HDAC8: variants seen among roughly 807,000 people sequenced by gnomAD.
The protein encoded by HDAC8 is histone deacetylase 8.
Under a neutral mutation model 32.2 loss-of-function variants are expected in HDAC8, and 1 was observed. That is an observed-to-expected ratio of 0.03 (90% confidence interval 0.01 to 0.15). HDAC8 has a LOEUF of 0.15. HDAC8 is among the 10% of genes least tolerant of loss of function. The pLI is 1.00. For missense variants in HDAC8, 117 were observed against 300.0 expected (o/e 0.39, Z 4.51); for synonymous variants, 108 against 113.9 (o/e 0.95, Z 0.33).
chrX:72,452,023 A>C (rs1432062678), intron 9 of HDAC8, among the ~76,000 whole-genome samples: 1 of 112,495 alleles, frequency 8.9e-6, no homozygotes, highest in East Asian at 2.8e-4. Flanking sequence ...GAGCTAAGCC[A>C]AAAAAAGAAT....
At chrX:72,419,544 G>A (rs939537241) in intron 9 of HDAC8, among the ~76,000 whole-genome samples, 10 of 111,345 alleles carry the variant, frequency 9.0e-5, no homozygotes, top group African/African-American at 2.9e-4. Context: ...TCAAGAAAAC[G>A]AAAAGACAAC....
chrX:72,424,099 T>C (rs189831913), intron 9 of HDAC8, among the ~76,000 whole-genome samples: 8 of 112,267 alleles, frequency 7.1e-5, no homozygotes, highest in Non-Finnish European at 1.3e-4. Flanking sequence ...AAGGTTGAAA[T>C]AATTTTTCCT....
At chrX:72,569,709 T>C (rs782771335) in intron 2 of HDAC8, among the ~76,000 whole-genome samples, 3 of 111,528 alleles carry the variant, frequency 2.7e-5, no homozygotes, top group African/African-American at 9.8e-5. Context: ...ATAAGAGGCC[T>C]TACCACATCT....
intron 4 of HDAC8, among the ~76,000 whole-genome samples, chrX:72,504,860 T>C (rs1556018221): frequency 1.8e-5 from 2 of 111,180 alleles, no homozygotes; most frequent in African/African-American, 6.5e-5. Flanking sequence ...CACCAGCACT[T>C]GTTATTTTCC....
chrX:72,390,628 C>T (rs1301831822), intron 9 of HDAC8, among the ~76,000 whole-genome samples: 1 of 111,456 alleles, frequency 9.0e-6, no homozygotes, highest in Non-Finnish European at 1.9e-5. Context: ...GGTATAGTGG[C>T]CACCAGAAAA....
rs2043460205 is a variant in HDAC8 at position 72,329,525 on chromosome X, A to G, written c.*529T>C. 5.3e-6 allele frequency: 3 copies of G among 564,610 alleles called. No homozygotes were observed. In the Admixed American group the frequency reaches 1.2e-4, roughly 23 times the overall value. The allele number at this position is 564,610 out of a possible 1,213,427, so 46.5% of individuals were successfully genotyped here. On this transcript the variant is annotated 3_prime_UTR_variant, in exon 11 of 11. Transcript: ENST00000373573. ...CAACGGGACAAAGAGGTAGGTTTTC[A>G]AAGATTTTATTAAAAAAACCAAAGA...
At chrX:72,567,785 A>G (rs1439038304) in intron 4 of HDAC8, 104 bp downstream of exon 4, 1 of 1,209,581 alleles carries the variant, frequency 8.3e-7, no homozygotes, top group Non-Finnish European at 1.1e-6. Flanking sequence ...TGCCACATAC[A>G]CACACGTCTC....
At chrX:72,505,881 A>G (rs1556018822) in intron 4 of HDAC8, among the ~76,000 whole-genome samples, 1 of 112,041 alleles carries the variant, frequency 8.9e-6, no homozygotes, top group Non-Finnish European at 1.9e-5. Context: ...ACTTGTCCAA[A>G]TTGTCAATCT....
intron 9 of HDAC8, among the ~76,000 whole-genome samples, chrX:72,357,188 G>T (rs1305961128): frequency 1.8e-5 from 2 of 108,598 alleles, no homozygotes; most frequent in Non-Finnish European, 3.8e-5. Flanking sequence ...AGCATGAACG[G>T]GATGAAGGAT....
rs1186437667 is a variant in HDAC8, at chrX:72,344,162, C to A, written c.1111+7571G>T. On this transcript the variant is annotated intron_variant, in intron 10 of 10. Coordinates refer to ENST00000373573, the MANE Select transcript of HDAC8 (RefSeq NM_018486.3). Reference sequence around the variant, plus strand: ...AGTAGGGAACCTAGACTTTTACTCCCCACCTGGAGGTAATAGGGTAGTGCC... The same window carrying A: ...AGTAGGGAACCTAGACTTTTACTCCACACCTGGAGGTAATAGGGTAGTGCC... Among the ~76,000 whole-genome samples the A allele has an allele frequency of 1.9e-4, 21 of 111,716 alleles. No individual in the cohort carries two copies. The Admixed American group carries it at 2.0e-3, about 11-fold the overall frequency.
chrX:72,444,314 A>T (rs2047296233), intron 9 of HDAC8, among the ~76,000 whole-genome samples: 1 of 109,687 alleles, frequency 9.1e-6, no homozygotes, highest in African/African-American at 3.3e-5. Flanking sequence ...CGAATCCAGC[A>T]GCACATCAAA....
chrX:72,565,347 C>T (rs1869209044), intron 4 of HDAC8, among the ~76,000 whole-genome samples: 1 of 112,352 alleles, frequency 8.9e-6, no homozygotes, highest in Non-Finnish European at 1.9e-5. Context: ...TGTAGTCCAT[C>T]TACAGAGAGG....
chrX:72,539,214 TTTTA>T lies in HDAC8; in HGVS notation c.437+28671_437+28674del, dbSNP rs201298956. Reference sequence around the variant, plus strand: ...TGGAAACTCTACACTATCTGTGCAATTTTATTTATTTATTTATTTATTTATGTAT... The same window carrying T: ...TGGAAACTCTACACTATCTGTGCAATTTTATTTATTTATTTATTTATGTAT... On this transcript the variant is annotated intron_variant, in intron 4 of 10. Coordinates refer to ENST00000373573, the MANE Select transcript of HDAC8 (RefSeq NM_018486.3). Among the ~76,000 whole-genome samples the T allele has an allele frequency of 6.2e-4, 68 of 110,037 alleles. 1 individual carries two copies. Among genetic ancestry groups the T allele is most frequent in the African/African-American group, 2.1e-3 (63 of 30,266 alleles).
intron 7 of HDAC8, among the ~76,000 whole-genome samples, chrX:72,485,214 G>A (rs782345616): frequency 1.5e-4 from 17 of 111,920 alleles, no homozygotes; most frequent in African/African-American, 5.5e-4. Flanking sequence ...CTTTATGCTG[G>A]TTAAAACAGG....
chrX:72,355,305 A>G (rs1430869289), intron 9 of HDAC8, among the ~76,000 whole-genome samples: 1 of 112,317 alleles, frequency 8.9e-6, no homozygotes. Context: ...GGCAAGCAGC[A>G]ATCCCATTCC....
chrX:72,490,377 G>A (rs2048825308), intron 6 of HDAC8, among the ~76,000 whole-genome samples: 1 of 108,113 alleles, frequency 9.2e-6, no homozygotes, highest in African/African-American at 3.4e-5. Flanking sequence ...TGATAGACTG[G>A]ATTAAGAAAA....
At chrX:72,455,696 G>A (rs782012387) in intron 9 of HDAC8, among the ~76,000 whole-genome samples, 5 of 112,226 alleles carry the variant, frequency 4.5e-5, no homozygotes, top group African/African-American at 9.7e-5. Context: ...GAGCATAACA[G>A]CTTCTCAATA....
At chrX:72,363,405 T>C (rs1471695834) in intron 9 of HDAC8, among the ~76,000 whole-genome samples, 1 of 111,469 alleles carries the variant, frequency 9.0e-6, no homozygotes, top group Non-Finnish European at 1.9e-5. Flanking sequence ...CTTTGAAAAC[T>C]GCTTCTACTG....
chrX:72,474,579 C>G (rs1331254335), intron 7 of HDAC8: 56 of 1,177,393 alleles, frequency 4.8e-5, no homozygotes, highest in Non-Finnish European at 5.8e-5. Context: ...TATAAACATA[C>G]AAGATATTCA....
Sources: allele counts gnomAD v4.1 joint callset (sites outside exome capture counted in the v4.1 genomes callset), GRCh38; gene constraint gnomAD v4.1.1; transcripts MANE v1.5; gene names NCBI Gene and HGNC (gene_info 2026-07-23, HGNC 2026-07-21).